TENM4: variants seen among roughly 807,000 people sequenced by gnomAD.
TENM4 encodes teneurin-4.
A neutral mutation model predicts 243.3 loss-of-function variants in TENM4; 82 were observed. That is an observed-to-expected ratio of 0.34 (90% confidence interval 0.28 to 0.40). The LOEUF (loss-of-function observed/expected upper bound fraction) is 0.40, where lower values mean the gene tolerates loss of function less well. Among genes scored for constraint, TENM4 ranks in the 10% least tolerant of loss-of-function variants. The pLI is 1.00. For missense variants in TENM4, 3,138 were observed against 3,673.3 expected (o/e 0.85, Z 3.77); for synonymous variants, 1,412 against 1,456.3 (o/e 0.97, Z 0.69).
intron 6 of TENM4, among the ~76,000 whole-genome samples, chr11:79,020,022 G>T (rs1173073533): frequency 6.6e-6 from 1 of 152,200 alleles, no homozygotes; most frequent in African/African-American, 2.4e-5. Context: ...GCTTTGTGGA[G>T]ACTGCCACGG....
intron 3 of TENM4, among the ~76,000 whole-genome samples, chr11:79,179,993 G>A (rs1863249480): frequency 6.6e-6 from 1 of 151,678 alleles, no homozygotes; most frequent in Non-Finnish European, 1.5e-5. Context: ...TTTGGGAATG[G>A]AATCATGATC....
At chr11:79,234,539 A>G (rs2135267794) in intron 2 of TENM4, among the ~76,000 whole-genome samples, 1 of 152,300 alleles carries the variant, frequency 6.6e-6, no homozygotes, top group East Asian at 1.9e-4. Flanking sequence ...GGATGAGATC[A>G]CTTATGGGAA....
intron 1 of TENM4, among the ~76,000 whole-genome samples, chr11:79,328,971 G>T (rs1362447366): frequency 1.3e-5 from 2 of 152,140 alleles, no homozygotes; most frequent in African/African-American, 4.8e-5. Flanking sequence ...CATAGGAAAA[G>T]CTACCGTCTC....
chr11:79,036,759 C>A (rs1591229678), intron 6 of TENM4, among the ~76,000 whole-genome samples: 1 of 152,060 alleles, frequency 6.6e-6, no homozygotes, highest in South Asian at 2.1e-4. Context: ...CGCCTGTAGT[C>A]CCAGCACTTT....
At chr11:79,194,217 G>A (rs1863575650) in intron 3 of TENM4, among the ~76,000 whole-genome samples, 1 of 151,946 alleles carries the variant, frequency 6.6e-6, no homozygotes, top group Non-Finnish European at 1.5e-5. Context: ...GGAACTGTAA[G>A]TCCAATTAAA....
At chr11:79,015,363 C>T (rs1858745714) in intron 6 of TENM4, among the ~76,000 whole-genome samples, 1 of 152,248 alleles carries the variant, frequency 6.6e-6, no homozygotes, top group Non-Finnish European at 1.5e-5. Context: ...TGATGCTCTA[C>T]TGCCTCCTTA....
chr11:79,267,583 C>G (rs1322218088), intron 2 of TENM4, among the ~76,000 whole-genome samples: 1 of 152,178 alleles, frequency 6.6e-6, no homozygotes, highest in East Asian at 1.9e-4. Context: ...ATTAAAACAT[C>G]TCTGGTCCTT....
chr11:78,968,854 C>T (rs1239509459), intron 6 of TENM4, among the ~76,000 whole-genome samples: 1 of 152,164 alleles, frequency 6.6e-6, no homozygotes, highest in Non-Finnish European at 1.5e-5. Context: ...GATTTTCCAC[C>T]AGGCATAGGG....
chr11:78,658,501 C>G lies in TENM4; in HGVS notation c.7867G>C (p.Gly2623Arg). 6.2e-7 allele frequency: 1 copy of G among 1,613,998 alleles called. No individual in the cohort carries two copies. The highest frequency in any genetic ancestry group is 8.5e-7 in the Non-Finnish European group (1 of 1,179,890). The change falls in exon 34 of 34, where the codon GGA becomes CGA. Residue 2623 changes from glycine to arginine, a missense_variant. Gly to Arg is a moderately radical substitution (Grantham distance 125, BLOSUM62 -2). Coordinates refer to ENST00000278550, the MANE Select transcript of TENM4 (RefSeq NM_001098816.3). ...ATGGCCAGGTCACCTTCTGAAGGTC[C>G]TGGTTTCACAAAGTAATGGGTATCC... The part of the protein sequence containing the change: ...GVDTHYFVKP[G>R]PSEGDLAILG...
chr11:79,231,224 A>G (rs1017043914), intron 2 of TENM4, among the ~76,000 whole-genome samples: 21 of 152,174 alleles, frequency 1.4e-4, no homozygotes, highest in Admixed American at 4.6e-4. Flanking sequence ...TGAGGGAAAA[A>G]AATTCAGGAC....
intron 1 of TENM4, among the ~76,000 whole-genome samples, chr11:79,370,420 G>A (rs1378613318): frequency 6.6e-6 from 1 of 152,222 alleles, no homozygotes. Context: ...CCTCCTGGGG[G>A]AAACCTGCAC....
intron 4 of TENM4, among the ~76,000 whole-genome samples, chr11:79,119,885 G>A (rs775668399): frequency 1.3e-5 from 2 of 152,170 alleles, no homozygotes; most frequent in African/African-American, 4.8e-5. Context: ...CAAATAGCTC[G>A]ATAACCAGCT....
intron 3 of TENM4, among the ~76,000 whole-genome samples, chr11:79,164,132 A>AGTATATATACACTATATATACTAT (rs1862840777): frequency 8.3e-6 from 1 of 121,070 alleles, no homozygotes; most frequent in Non-Finnish European, 1.6e-5. Context: ...ATGTATATAT[A>AGTATATATACACTATATATACTAT]GTATATATGT....
In TENM4 at chr11:79,437,133, C is replaced by A. The variant is rs142631800; in HGVS notation, c.-321+3376G>T. The stretch of plus-strand genomic sequence containing the variant: ...AAGTGGAAGGGCTTCCCGTCAACAC[C>A]CTCACCGGAGAAAACGGATTCCTCC... On this transcript the variant is annotated intron_variant, in intron 1 of 33. Transcript: ENST00000278550. 9.3e-3 allele frequency among the ~76,000 whole-genome samples: 1,415 copies of A among 152,344 alleles called. 26 individuals are homozygous for A. The highest frequency in any genetic ancestry group is 0.02 in the Middle Eastern group (6 of 294).
intron 1 of TENM4, among the ~76,000 whole-genome samples, chr11:79,327,124 C>A (rs1462466291): frequency 1.3e-5 from 2 of 152,120 alleles, no homozygotes; most frequent in Non-Finnish European, 2.9e-5. Context: ...CATTTTTCCC[C>A]CAGCCTTAGT....
In TENM4 at chr11:78,676,235, C is replaced by T. The variant is rs762097519; in HGVS notation, c.5413G>A (p.Asp1805Asn). 9 of 1,607,142 alleles carry T rather than the reference C, an allele frequency of 5.6e-6. No homozygotes were observed. Among genetic ancestry groups the T allele is most frequent in the African/African-American group, 1.3e-5 (1 of 74,850 alleles). The change falls in exon 30 of 34, where the codon GAC (aspartate) becomes AAC (asparagine). Residue 1805 changes from aspartate (D) to asparagine (N), a missense_variant. This residue lies in a region of TENM4 where 2,467 missense variants were observed against 3,059.1 expected (regional missense o/e 0.81). Transcript: ENST00000278550. ...CACTCCACCAGGTTGAGGCCGTTGT[C>T]GATGGGCAGCGTGACATTCCTCTTG... ...VGKRNVTLPI[D>N]NGLNLVEWRQ...
At chr11:79,238,853 C>T (rs563978987) in intron 2 of TENM4, among the ~76,000 whole-genome samples, 2 of 151,154 alleles carry the variant, frequency 1.3e-5, no homozygotes, top group South Asian at 2.1e-4. Context: ...GGTGAAACCC[C>T]GTTTCTCCTA....
At chr11:78,731,973 TAACAGA>T (rs1855677479) in intron 21 of TENM4, among the ~76,000 whole-genome samples, 1 of 152,188 alleles carries the variant, frequency 6.6e-6, no homozygotes, top group Admixed American at 6.5e-5. Flanking sequence ...TAAGTAGTTT[TAACAGA>T]AATAATGACA....
At chr11:79,311,325 T>C (rs749995101) in intron 1 of TENM4, among the ~76,000 whole-genome samples, 3 of 152,178 alleles carry the variant, frequency 2.0e-5, no homozygotes, top group Non-Finnish European at 2.9e-5. Flanking sequence ...ACAGGACTTC[T>C]GCGATGACAG....
Sources: gnomAD v4.1 joint callset for allele counts (sites outside exome capture counted in the v4.1 genomes callset) on GRCh38, gnomAD v4.1.1 for gene constraint, gnomAD v4.1.1 regional missense constraint, MANE v1.5 for transcripts, NCBI Gene and HGNC (gene_info 2026-07-23, HGNC 2026-07-21) for gene names.